The following ZRANB3 variants were observed in gnomAD, a reference collection of about 807,000 sequenced individuals.
ZRANB3 encodes DNA annealing helicase and endonuclease ZRANB3.
A neutral mutation model predicts 133.8 loss-of-function variants in ZRANB3; 125 were observed. The ratio of observed to expected loss-of-function variants is 0.93; its 90% CI spans 0.81 to 1.08. ZRANB3 has a LOEUF of 1.08. ZRANB3 is among the 50% of genes least tolerant of loss of function. ZRANB3 has a pLI of 0.00. For synonymous variants in ZRANB3, 387 were observed against 432.7 expected (o/e 0.89, Z 1.31); for missense variants, 1,229 against 1,275.5 (o/e 0.96, Z 0.56).
chr2:135,494,307 CA>C (rs770757530), intron 2 of ZRANB3, among the ~76,000 whole-genome samples: 137 of 51,326 alleles, frequency 2.7e-3, no homozygotes, highest in Non-Finnish European at 3.1e-3. Flanking sequence ...GACTCCGTCT[CA>C]AAAAAAAAAA....
At chr2:135,344,216 T>C (rs1040715520) in intron 6 of ZRANB3, among the ~76,000 whole-genome samples, 9 of 152,156 alleles carry the variant, frequency 5.9e-5, no homozygotes, top group African/African-American at 2.2e-4. Flanking sequence ...TATGAGGAGA[T>C]AAAGTTACTT....
At chr2:135,213,646 ATAACT>A (rs1200041874) in intron 17 of ZRANB3, among the ~76,000 whole-genome samples, 9 of 152,136 alleles carry the variant, frequency 5.9e-5, no homozygotes, top group Admixed American at 5.9e-4. Flanking sequence ...TCCCATTGTA[ATAACT>A]TAATACAGAT....
intron 12 of ZRANB3, among the ~76,000 whole-genome samples, chr2:135,239,065 C>G (rs987340963): frequency 6.6e-6 from 1 of 152,002 alleles, no homozygotes; most frequent in Non-Finnish European, 1.5e-5. Context: ...AGTTTTGGAG[C>G]AATTTGTTAT....
At position 135,217,599 on chromosome 2, in the gene ZRANB3, T is replaced by C; in HGVS notation, c.2361A>G (p.Arg787=). Reference sequence around the variant, plus strand: ...TTAGACTACTCCATTCTCGAACAAATCTCAAAATCTGGCAGAAAATGAGAT... The same window carrying C: ...TTAGACTACTCCATTCTCGAACAAACCTCAAAATCTGGCAGAAAATGAGAT... The part of the protein sequence containing the change: ...QLKQYRSLIL[R]FVREWSSLTA... The change falls in exon 17 of 21, where the codon AGA becomes AGG. Residue 787 remains arginine (R), a synonymous_variant. Coordinates refer to ENST00000264159, the MANE Select transcript of ZRANB3 (RefSeq NM_032143.4). 7 of 1,609,832 alleles carry C rather than the reference T, an allele frequency of 4.3e-6. No homozygotes were observed. The highest frequency in any genetic ancestry group is 5.1e-6 in the Non-Finnish European group (6 of 1,178,980).
chr2:135,214,186 G>A (rs1350290451), intron 17 of ZRANB3, among the ~76,000 whole-genome samples: 2 of 152,152 alleles, frequency 1.3e-5, no homozygotes, highest in African/African-American at 4.8e-5. Flanking sequence ...TTATAGAACT[G>A]TGAGATAATA....
At chr2:135,238,657 GC>G (rs1375030681) in intron 12 of ZRANB3, 3 of 152,544 alleles carry the variant, frequency 2.0e-5, no homozygotes, top group African/African-American at 7.2e-5. Context: ...GAGCCACCGT[GC>G]CTGGCCAATG....
chr2:135,306,243 A>G (rs185449324), intron 8 of ZRANB3, among the ~76,000 whole-genome samples: 7 of 150,890 alleles, frequency 4.6e-5, no homozygotes, highest in Non-Finnish European at 5.9e-5. Context: ...GGTATTCCAT[A>G]GGCTTTCCCC....
At chr2:135,238,393 CTT>C (rs376967394) in intron 12 of ZRANB3, among the ~76,000 whole-genome samples, 23 of 138,430 alleles carry the variant, frequency 1.7e-4, no homozygotes, top group Non-Finnish European at 1.6e-4. Flanking sequence ...TGCTGTGTGA[CTT>C]TTTTTTTTTT....
At chr2:135,415,357 A>G (rs1329460181) in intron 2 of ZRANB3, among the ~76,000 whole-genome samples, 1 of 152,174 alleles carries the variant, frequency 6.6e-6, no homozygotes, top group Non-Finnish European at 1.5e-5. Context: ...GAAAATCTAG[A>G]AGAAATGGAT....
rs1399415906 is a variant in ZRANB3 at position 135,197,743 on chromosome 2, C to T, written c.*2599G>A. 6.6e-6 allele frequency: 1 copy of T among 152,332 alleles called. No individual in the cohort carries two copies. Among genetic ancestry groups the T allele is most frequent in the African/African-American group, 2.4e-5 (1 of 41,472 alleles). The allele number at this position is 152,332 out of a possible 1,614,324, so 9.4% of individuals were successfully genotyped here. ...AAGTCCTCCCCACCCTACCCCTACC[C>T]ACAGGCATATTTTCATATGGTTCCC... On this transcript the variant is annotated 3_prime_UTR_variant, in exon 21 of 21. Coordinates refer to ENST00000264159, the MANE Select transcript of ZRANB3 (RefSeq NM_032143.4).
intron 1 of ZRANB3, among the ~76,000 whole-genome samples, chr2:135,508,200 C>T (rs979361066): frequency 5.3e-5 from 8 of 152,212 alleles, no homozygotes; most frequent in African/African-American, 1.4e-4. Flanking sequence ...TGCAGTGGCA[C>T]GATCTCGGCT....
chr2:135,248,378 A>G (rs996134197), intron 12 of ZRANB3, among the ~76,000 whole-genome samples: 3 of 152,236 alleles, frequency 2.0e-5, no homozygotes, highest in Non-Finnish European at 2.9e-5. Flanking sequence ...ACGAATGAGC[A>G]AAGTTCTCAT....
At chr2:135,365,335 T>C (rs913234100) in intron 3 of ZRANB3, among the ~76,000 whole-genome samples, 4 of 152,138 alleles carry the variant, frequency 2.6e-5, no homozygotes, top group African/African-American at 9.7e-5. Flanking sequence ...AGCAATTTTA[T>C]AGAAAAAGAC....
At chr2:135,486,216 G>T (rs1692113622) in intron 2 of ZRANB3, among the ~76,000 whole-genome samples, 1 of 152,044 alleles carries the variant, frequency 6.6e-6, no homozygotes, top group African/African-American at 2.4e-5. Flanking sequence ...AAGCATTTTA[G>T]TAACAGTAGA....
At chr2:135,317,077 A>G (rs1573899304) in intron 6 of ZRANB3, among the ~76,000 whole-genome samples, 1 of 151,306 alleles carries the variant, frequency 6.6e-6, no homozygotes, top group East Asian at 1.9e-4. Context: ...TACACATACC[A>G]TTTAGTTGTC....
intron 8 of ZRANB3, among the ~76,000 whole-genome samples, chr2:135,307,862 T>C (rs1008896967): frequency 6.6e-6 from 1 of 152,198 alleles, no homozygotes; most frequent in Non-Finnish European, 1.5e-5. Flanking sequence ...GAACCTCAAA[T>C]TCCCCCAGCA....
intron 2 of ZRANB3, among the ~76,000 whole-genome samples, chr2:135,401,217 T>C (rs1359188663): frequency 2.7e-5 from 4 of 149,520 alleles, no homozygotes; most frequent in Non-Finnish European, 5.9e-5. Context: ...AACTGATTTC[T>C]TTTAGCTTTT....
At chr2:135,266,195 ACT>A (rs1291963659) in intron 11 of ZRANB3, among the ~76,000 whole-genome samples, 1 of 151,884 alleles carries the variant, frequency 6.6e-6, no homozygotes, top group African/African-American at 2.4e-5. Context: ...ACACAGTGAG[ACT>A]CTGTCTCAAA....
intron 10 of ZRANB3, among the ~76,000 whole-genome samples, chr2:135,270,685 T>C (rs1051393511): frequency 2.6e-5 from 4 of 152,192 alleles, no homozygotes; most frequent in African/African-American, 9.6e-5. Flanking sequence ...TCCTTTTGGT[T>C]AGAACTCCCA....
Sources: gnomAD v4.1 joint callset for allele counts (sites outside exome capture counted in the v4.1 genomes callset) on GRCh38, gnomAD v4.1.1 for gene constraint, MANE v1.5 for transcripts, NCBI Gene and HGNC (gene_info 2026-07-23, HGNC 2026-07-21) for gene names.